MCPH1: variants seen among roughly 807,000 people sequenced by gnomAD.
MCPH1 encodes the protein microcephalin 1, also known as microcephalin.
A neutral mutation model predicts 84.5 loss-of-function variants in MCPH1; 104 were observed. The observed-to-expected ratio is 1.23, with a 90% CI of 1.05 to 1.45. The LOEUF is 1.45. Among genes scored for constraint, MCPH1 ranks in the 40% most tolerant of loss-of-function variants. The probability of loss-of-function intolerance (pLI) is 0.00; values close to 1 mark genes in which losing one functional copy is unlikely to be tolerated. For synonymous variants in MCPH1, 514 were observed against 366.8 expected (o/e 1.40, Z -4.58); for missense variants, 1,498 against 1,005.7 (o/e 1.49, Z -6.62).
intron 12 of MCPH1, among the ~76,000 whole-genome samples, chr8:6,603,866 C>T (rs756099431): frequency 6.6e-6 from 1 of 152,106 alleles, no homozygotes; most frequent in Non-Finnish European, 1.5e-5. Flanking sequence ...CTAAGGGACC[C>T]GATTCCCAAG....
intron 12 of MCPH1, among the ~76,000 whole-genome samples, chr8:6,573,726 T>A (rs1366369587): frequency 6.6e-6 from 1 of 152,150 alleles, no homozygotes; most frequent in Non-Finnish European, 1.5e-5. Flanking sequence ...TACCCCAGTG[T>A]CAGGGAAGCA....
At chr8:6,609,080 G>C (rs560060503) in intron 12 of MCPH1, among the ~76,000 whole-genome samples, 48 of 152,132 alleles carry the variant, frequency 3.2e-4, no homozygotes, top group Non-Finnish European at 1.0e-4. Flanking sequence ...ACCTGCTTTC[G>C]TGTTATTATA....
At chr8:6,540,712 C>G (rs183149717) in intron 12 of MCPH1, among the ~76,000 whole-genome samples, 1 of 152,364 alleles carries the variant, frequency 6.6e-6, no homozygotes, top group East Asian at 1.9e-4. Flanking sequence ...TCTCACACTG[C>G]CTTAGCTTGG....
At chr8:6,445,799 G>A (rs1804271140) in intron 8 of MCPH1, 25 of 1,268,426 alleles carry the variant, frequency 2.0e-5, no homozygotes, top group Admixed American at 1.5e-4. Context: ...CTTCTTATAG[G>A]TCAAAAGGAT....
At position 6,647,696 on chromosome 8, in the gene MCPH1, T is replaced by C. The variant is rs1798277986; in HGVS notation, c.*4647T>C. 1 of 152,178 alleles carries C rather than the reference T, an allele frequency of 6.6e-6. No individual in the cohort carries two copies. The highest frequency in any genetic ancestry group is 6.5e-5 in the Admixed American group (1 of 15,272). 9.4% of individuals were successfully genotyped at this position (152,178 alleles called of 1,614,324 possible). ...ATTGTAAGATTCCATTTAGATACCA[T>C]TTCTACAAACCGCAAAACTGTAGAG... On this transcript the variant is annotated 3_prime_UTR_variant, in exon 14 of 14. Transcript: ENST00000344683.
chr8:6,562,549 CTTCTTTTTTTT>C (rs1219273537), intron 12 of MCPH1: 1 of 87,292 alleles, frequency 1.1e-5, no homozygotes, highest in African/African-American at 1.1e-4. Flanking sequence ...CTTCATCCTC[CTTCTTTTTTTT>C]TTTTTTTTTT....
intron 12 of MCPH1, among the ~76,000 whole-genome samples, chr8:6,536,499 C>G (rs1820525519): frequency 6.6e-6 from 1 of 152,142 alleles, no homozygotes; most frequent in South Asian, 2.1e-4. Context: ...CCACCCACCC[C>G]TCAGTGGAGG....
chr8:6,498,373 C>G (rs951006196), intron 11 of MCPH1, among the ~76,000 whole-genome samples: 1 of 152,162 alleles, frequency 6.6e-6, no homozygotes, highest in East Asian at 1.9e-4. Flanking sequence ...AAAATGTTTA[C>G]ACTGTATTTC....
At chr8:6,458,280 G>C (rs1310902058) in intron 9 of MCPH1, among the ~76,000 whole-genome samples, 1 of 152,042 alleles carries the variant, frequency 6.6e-6, no homozygotes, top group African/African-American at 2.4e-5. Flanking sequence ...AGACCATCCT[G>C]GCTAAGACGG....
chr8:6,417,943 T>C (rs1473825250), intron 3 of MCPH1, among the ~76,000 whole-genome samples: 2 of 152,236 alleles, frequency 1.3e-5, no homozygotes, highest in Non-Finnish European at 2.9e-5. Context: ...AGGTTTTTGT[T>C]TTAGCAAGCA....
At chr8:6,613,578 G>T (rs2980665) in intron 12 of MCPH1, among the ~76,000 whole-genome samples, 1 of 151,360 alleles carries the variant, frequency 6.6e-6, no homozygotes, top group Non-Finnish European at 1.5e-5. Flanking sequence ...GGAGGAAGCT[G>T]CAAGGGATTC....
chr8:6,621,767 C>T, intron 13 of MCPH1, 76 bp downstream of exon 13: 1 of 1,591,592 alleles, frequency 6.3e-7, no homozygotes, highest in Admixed American at 1.7e-5. Context: ...CGGCGTCAGG[C>T]TCACACCCCC....
Position 6,642,298 on chromosome 8 carries a change from C to T in MCPH1, c.2453-696C>T, listed in dbSNP as rs569484579. On this transcript the variant is annotated intron_variant, in intron 13 of 13. Coordinates refer to ENST00000344683, the MANE Select transcript of MCPH1 (RefSeq NM_024596.5). ...CTAACAGTAGGAATAGAATGCAGTG[C>T]GCTTGCCAGGACTGAGGAAAGAGGG... Among the ~76,000 whole-genome samples, 13 of 151,972 alleles carry T rather than the reference C, an allele frequency of 8.6e-5. No homozygotes were observed. In the South Asian group the frequency reaches 1.5e-3, roughly 17 times the overall value.
intron 1 of MCPH1, among the ~76,000 whole-genome samples, chr8:6,407,979 C>T (rs1469599369): frequency 6.6e-6 from 1 of 152,148 alleles, no homozygotes; most frequent in Admixed American, 6.6e-5. Flanking sequence ...AATATATTAC[C>T]TATGGTTATG....
chr8:6,438,562 G>C (rs928292641), intron 5 of MCPH1, among the ~76,000 whole-genome samples: 1 of 152,190 alleles, frequency 6.6e-6, no homozygotes, highest in African/African-American at 2.4e-5. Context: ...AGGAGTGATG[G>C]TTCATGGGGG....
At chr8:6,435,831 C>G (rs1198390380) in intron 4 of MCPH1, among the ~76,000 whole-genome samples, 1 of 152,140 alleles carries the variant, frequency 6.6e-6, no homozygotes, top group African/African-American at 2.4e-5. Context: ...AAGCATAATA[C>G]AGAGCCTTTT....
At chr8:6,554,735 C>T (rs1824287492) in intron 12 of MCPH1, among the ~76,000 whole-genome samples, 1 of 152,056 alleles carries the variant, frequency 6.6e-6, no homozygotes, top group Non-Finnish European at 1.5e-5. Context: ...AAAGTAATTA[C>T]CATCAGAGGA....
Position 6,469,780 on chromosome 8 carries a change from CAA to C in MCPH1, c.1936-7811_1936-7810del, listed in dbSNP as rs538733547. Among the ~76,000 whole-genome samples the C allele has an allele frequency of 2.3e-3, 348 of 152,304 alleles. 4 individuals carry two copies. The highest frequency in any genetic ancestry group is 7.6e-3 in the African/African-American group (318 of 41,574). ...TGACCTATCTTTGGTCTTACTAAAA[CAA>C]AATCAGCTAGACCATTTCCCAAATA... is the stretch of plus-strand genomic sequence containing the variant. On this transcript the variant is annotated intron_variant, in intron 9 of 13. Coordinates refer to ENST00000344683, the MANE Select transcript of MCPH1 (RefSeq NM_024596.5).
intron 12 of MCPH1, chr8:6,562,925 T>C: frequency 6.3e-7 from 1 of 1,585,108 alleles, no homozygotes; most frequent in Non-Finnish European, 8.6e-7. Flanking sequence ...AAGAAAACAA[T>C]CTGCCACATT....
Sources: gnomAD v4.1 joint callset for allele counts (sites outside exome capture counted in the v4.1 genomes callset) on GRCh38, gnomAD v4.1.1 for gene constraint, MANE v1.5 for transcripts, NCBI Gene and HGNC (gene_info 2026-07-23, HGNC 2026-07-21) for gene names.